RIMBP2: variants seen among roughly 807,000 people sequenced by gnomAD.
RIMBP2 encodes RIMS binding protein 2.
RIMBP2 carries 48 observed loss-of-function variants against 118.6 expected under a neutral mutation model. The observed-to-expected ratio is 0.40, with a 90% CI of 0.32 to 0.51. The LOEUF (loss-of-function observed/expected upper bound fraction) is 0.51. RIMBP2 is among the 20% of genes least tolerant of loss of function. The pLI is 0.41. For missense variants in RIMBP2, 1,551 were observed against 1,768.3 expected, an observed-to-expected ratio of 0.88 and a Z score of 2.20; for synonymous variants, 762 against 742.9, an observed-to-expected ratio of 1.03 and a Z score of -0.42.
At chr12:130,483,152 G>A (rs2082164316) in intron 4 of RIMBP2, among the ~76,000 whole-genome samples, 1 of 81,760 alleles carries the variant, frequency 1.2e-5, no homozygotes. Context: ...CAGGGGAGGG[G>A]GCAGACCTCA....
intron 4 of RIMBP2, among the ~76,000 whole-genome samples, chr12:130,494,081 G>A (rs1343967862): frequency 6.6e-6 from 1 of 152,176 alleles, no homozygotes; most frequent in Non-Finnish European, 1.5e-5. Context: ...GTGATGCATG[G>A]GTAAACTGAG....
At chr12:130,404,718 A>G (rs1447653104) in intron 21 of RIMBP2, among the ~76,000 whole-genome samples, 3 of 152,206 alleles carry the variant, frequency 2.0e-5, no homozygotes, top group Non-Finnish European at 4.4e-5. Flanking sequence ...TTGAAAGACA[A>G]TATTATGTCT....
chr12:130,491,731 C>G (rs1235487763), intron 4 of RIMBP2, among the ~76,000 whole-genome samples: 2 of 152,198 alleles, frequency 1.3e-5, no homozygotes, highest in Non-Finnish European at 2.9e-5. Flanking sequence ...TCCGCCTCCC[C>G]GCGCAGAGAC....
intron 1 of RIMBP2, among the ~76,000 whole-genome samples, chr12:130,685,998 A>C (rs1051664299): frequency 6.6e-6 from 1 of 151,994 alleles, no homozygotes; most frequent in African/African-American, 2.4e-5. Context: ...GATGCACCCC[A>C]AGGCAGGACT....
chr12:130,577,730 T>A (rs2058186902), intron 2 of RIMBP2, among the ~76,000 whole-genome samples: 1 of 152,140 alleles, frequency 6.6e-6, no homozygotes, highest in Non-Finnish European at 1.5e-5. Context: ...ATTGTTATTG[T>A]CAATATTATA....
chr12:130,704,284 A>G (rs923957858), intron 1 of RIMBP2, among the ~76,000 whole-genome samples: 1 of 152,198 alleles, frequency 6.6e-6, no homozygotes, highest in African/African-American at 2.4e-5. Flanking sequence ...TGTTTAAAAA[A>G]TAAACAAAAA....
chr12:130,681,269 C>G (rs985934745), intron 1 of RIMBP2, among the ~76,000 whole-genome samples: 1 of 149,636 alleles, frequency 6.7e-6, no homozygotes, highest in Non-Finnish European at 1.5e-5. Context: ...TACAGTGAGA[C>G]CCTATCTCTA....
At chr12:130,411,808 C>T (rs190417392) in intron 19 of RIMBP2, among the ~76,000 whole-genome samples, 3 of 151,860 alleles carry the variant, frequency 2.0e-5, no homozygotes, top group South Asian at 2.1e-4. Context: ...TGAAACAATG[C>T]GTTTATTAAT....
chr12:130,667,068 GGAGGGAGGAAAAAAT>G (rs2063963694), intron 1 of RIMBP2, among the ~76,000 whole-genome samples: 3 of 108,932 alleles, frequency 2.8e-5, no homozygotes, highest in African/African-American at 7.7e-5. Context: ...AAGGAAGAAG[GGAGGGAGGAAAAAAT>G]GAGGGAGGGA....
chr12:130,451,303 A>G lies in RIMBP2; in HGVS notation c.396T>C (p.Gly132=), dbSNP rs149899219. 577 of 1,613,936 alleles carry G rather than the reference A, an allele frequency of 3.6e-4. No homozygotes were observed. The African/African-American group carries it at 7.1e-3, about 20-fold the overall frequency. Residue 132 remains glycine (G), a synonymous_variant, in exon 8 of 23, where the codon GGT becomes GGC. Coordinates refer to ENST00000690449, the MANE Select transcript of RIMBP2 (RefSeq NM_001393629.1). Reference sequence around the variant, plus strand: ...GCTGCGGAAGGGGCCGGATATATTCACCGATCGCAGAGCTGCCTCCAATAG... The same window carrying G: ...GCTGCGGAAGGGGCCGGATATATTCGCCGATCGCAGAGCTGCCTCCAATAG... ...ESAIGGSSAI[G]EYIRPLPQPG...
chr12:130,477,174 G>A lies in RIMBP2; in HGVS notation c.102+1738C>T, dbSNP rs77587365. 6.4e-4 allele frequency among the ~76,000 whole-genome samples: 98 copies of A among 152,312 alleles called. 1 individual carries two copies. Among genetic ancestry groups the A allele is most frequent in the African/African-American group, 2.3e-3 (94 of 41,560 alleles). ...TGGTGAGTGCGGGGGGATAAAGAAC[G>A]CCAAGAGAACTGGACAGCACACAGA... On this transcript the variant is annotated intron_variant, in intron 5 of 22. Coordinates refer to ENST00000690449, the MANE Select transcript of RIMBP2 (RefSeq NM_001393629.1).
chr12:130,524,792 G>A (rs190157099), intron 2 of RIMBP2, among the ~76,000 whole-genome samples: 2 of 152,212 alleles, frequency 1.3e-5, no homozygotes, highest in African/African-American at 4.8e-5. Context: ...AGCAGAAAGA[G>A]GAAGGCGGGT....
chr12:130,708,967 A>G (rs1233299186), intron 1 of RIMBP2, among the ~76,000 whole-genome samples: 1 of 152,090 alleles, frequency 6.6e-6, no homozygotes, highest in Non-Finnish European at 1.5e-5. Context: ...GAGCCCCTCC[A>G]TCTCTCAAAG....
chr12:130,410,444 A>T (rs770970936), intron 19 of RIMBP2, among the ~76,000 whole-genome samples: 5 of 152,140 alleles, frequency 3.3e-5, no homozygotes, highest in Non-Finnish European at 5.9e-5. Context: ...TCGTTGCCTG[A>T]TTATTATAAA....
rs1593231736 is a variant in RIMBP2, at chr12:130,420,258, T to C, written c.3238+2195A>G. Among the ~76,000 whole-genome samples the C allele has an allele frequency of 6.6e-6, 1 of 152,164 alleles. No homozygotes were observed. Among genetic ancestry groups the C allele is most frequent in the Non-Finnish European group, 1.5e-5 (1 of 68,036 alleles). On this transcript the variant is annotated intron_variant, in intron 17 of 22. Transcript: ENST00000690449. This position sits in a 1 kb window ranked among gnomAD's most constrained non-coding sequence, Gnocchi z 4.3. ...CCATAATAGGTGCTGAGATGTGTAT[T>C]TGTGTGTAAAGTATCTGGTTAGAGT...
At chr12:130,603,642 G>C (rs2059995880) in intron 2 of RIMBP2, among the ~76,000 whole-genome samples, 4 of 152,300 alleles carry the variant, frequency 2.6e-5, no homozygotes, top group Middle Eastern at 3.4e-3. Flanking sequence ...TTCCGTCAAG[G>C]AGGGACACAT....
At chr12:130,676,660 A>G (rs2064500416) in intron 1 of RIMBP2, among the ~76,000 whole-genome samples, 1 of 152,096 alleles carries the variant, frequency 6.6e-6, no homozygotes, top group Admixed American at 6.6e-5. Flanking sequence ...ACACACACAC[A>G]GTGGCACATC....
intron 2 of RIMBP2, among the ~76,000 whole-genome samples, chr12:130,580,572 A>C (rs2058400739): frequency 6.6e-6 from 1 of 152,244 alleles, no homozygotes; most frequent in Non-Finnish European, 1.5e-5. Context: ...GTGAGAACAG[A>C]CTAATACATC....
intron 13 of RIMBP2, among the ~76,000 whole-genome samples, chr12:130,435,581 A>G (rs527385065): frequency 1.3e-5 from 2 of 152,212 alleles, no homozygotes; most frequent in Non-Finnish European, 2.9e-5. Flanking sequence ...CGTCCTGCCC[A>G]CGGCCTCCCC....
Sources: allele counts gnomAD v4.1 joint callset (sites outside exome capture counted in the v4.1 genomes callset), GRCh38; gene constraint gnomAD v4.1.1; non-coding constraint Gnocchi (gnomAD v3.1); transcripts MANE v1.5; gene names NCBI Gene and HGNC (gene_info 2026-07-23, HGNC 2026-07-21).